The following LUZP2 variants were observed in gnomAD, a reference collection of about 807,000 sequenced individuals.
LUZP2 encodes the protein leucine zipper protein 2.
In LUZP2, 52 loss-of-function variants were observed where a neutral mutation model predicts 51.6. That is an observed-to-expected ratio of 1.01 (90% confidence interval 0.81 to 1.27). The LOEUF (loss-of-function observed/expected upper bound fraction) is 1.27, where lower values mean the gene tolerates loss of function less well. Ranked by LOEUF, LUZP2 falls within the 50% of genes most tolerant of loss-of-function variation. LUZP2 has a pLI of 0.00. For missense variants in LUZP2, 436 were observed against 395.4 expected (o/e 1.10, Z -0.87); for synonymous variants, 154 against 137.3 (o/e 1.12, Z -0.85).
chr11:24,804,458 G>A (rs2134122863), intron 5 of LUZP2, among the ~76,000 whole-genome samples: 1 of 152,216 alleles, frequency 6.6e-6, no homozygotes, highest in South Asian at 2.1e-4. Context: ...TGACACAGGA[G>A]CCTTCATAAA....
At chr11:25,019,261 A>G (rs571139780) in intron 9 of LUZP2, among the ~76,000 whole-genome samples, 24 of 152,310 alleles carry the variant, frequency 1.6e-4, no homozygotes, top group African/African-American at 5.5e-4. Context: ...TATCACATGA[A>G]TCTATCATAT....
chr11:24,905,102 C>G (rs931019391), intron 5 of LUZP2, among the ~76,000 whole-genome samples: 4 of 152,056 alleles, frequency 2.6e-5, no homozygotes, highest in African/African-American at 9.7e-5. Context: ...TACACTGGAG[C>G]ACCTTTATAT....
chr11:24,545,772 C>T (rs1851520412), intron 1 of LUZP2, among the ~76,000 whole-genome samples: 1 of 151,616 alleles, frequency 6.6e-6, no homozygotes, highest in Non-Finnish European at 1.5e-5. Context: ...TATTAGGGCT[C>T]TTGTTTGGTT....
At chr11:24,694,550 A>T (rs1857183091) in intron 1 of LUZP2, among the ~76,000 whole-genome samples, 1 of 152,094 alleles carries the variant, frequency 6.6e-6, no homozygotes, top group African/African-American at 2.4e-5. Context: ...ATACCATTTG[A>T]CCCAGCAATC....
At chr11:24,500,225 C>A (rs1248168466) in intron 1 of LUZP2, among the ~76,000 whole-genome samples, 2 of 152,030 alleles carry the variant, frequency 1.3e-5, no homozygotes, top group Non-Finnish European at 2.9e-5. Context: ...TACTGGTAAA[C>A]CCCATAGAGT....
At chr11:24,710,967 A>C in intron 1 of LUZP2, among the ~76,000 whole-genome samples, 2 of 126,202 alleles carry the variant, frequency 1.6e-5, no homozygotes, top group Admixed American at 8.5e-5. Context: ...GAGGGAGGGG[A>C]GGGGAGGAAA....
At chr11:24,541,236 A>T (rs1300432725) in intron 1 of LUZP2, among the ~76,000 whole-genome samples, 1 of 143,008 alleles carries the variant, frequency 7.0e-6, no homozygotes, top group East Asian at 2.3e-4. Flanking sequence ...CTGGGGGACA[A>T]GAGAGAGACT....
At chr11:24,591,799 G>A (rs1853271323) in intron 1 of LUZP2, among the ~76,000 whole-genome samples, 1 of 152,172 alleles carries the variant, frequency 6.6e-6, no homozygotes, top group Non-Finnish European at 1.5e-5. Flanking sequence ...GCTGTGCTCT[G>A]AGAAAGAAAG....
chr11:25,025,330 A>G (rs572882508), intron 9 of LUZP2, among the ~76,000 whole-genome samples: 2 of 152,322 alleles, frequency 1.3e-5, no homozygotes, highest in South Asian at 4.1e-4. Context: ...TCTGCACAGC[A>G]AAAGAAACTA....
chr11:24,820,569 A>G (rs1427582671), intron 5 of LUZP2, among the ~76,000 whole-genome samples: 1 of 152,138 alleles, frequency 6.6e-6, no homozygotes, highest in Non-Finnish European at 1.5e-5. Context: ...GAAACTAGTG[A>G]TGAGATCTGA....
chr11:24,927,022 A>G (rs950147160), intron 7 of LUZP2, among the ~76,000 whole-genome samples: 1 of 150,834 alleles, frequency 6.6e-6, no homozygotes, highest in Non-Finnish European at 1.5e-5. Context: ...ATTTTCTTAT[A>G]TGTTTGTTGG....
intron 9 of LUZP2, among the ~76,000 whole-genome samples, chr11:25,041,105 A>AT (rs1281691103): frequency 6.6e-6 from 1 of 151,228 alleles, no homozygotes; most frequent in African/African-American, 2.4e-5. Context: ...TATTTTGTTC[A>AT]TTTTTTTCAT....
chr11:24,562,699 C>CA (rs10692762), intron 1 of LUZP2, among the ~76,000 whole-genome samples: 223 of 138,780 alleles, frequency 1.6e-3, no homozygotes, highest in African/African-American at 3.3e-3. Flanking sequence ...TGAAAAAATA[C>CA]AAAAAAAAAA....
chr11:24,918,323 T>C (rs1853869302), intron 7 of LUZP2, among the ~76,000 whole-genome samples: 1 of 152,050 alleles, frequency 6.6e-6, no homozygotes, highest in Non-Finnish European at 1.5e-5. Flanking sequence ...TGAATACCCT[T>C]TATTTCTTTC....
At position 24,895,147 on chromosome 11, in the gene LUZP2, A is replaced by G. The variant is rs768491231; in HGVS notation, c.397-10844A>G. 7.8e-4 allele frequency among the ~76,000 whole-genome samples: 119 copies of G among 152,158 alleles called. 1 individual carries two copies. The highest frequency in any genetic ancestry group is 2.1e-4 in the Non-Finnish European group (14 of 68,046). On this transcript the variant is annotated intron_variant, in intron 5 of 11. Coordinates refer to ENST00000336930, the MANE Select transcript of LUZP2 (RefSeq NM_001009909.4). ...TTCCGTGGGGTGGCATAAGATTCTC[A>G]CCATATTTTAGGAAGTTTAGGAAGT...
intron 8 of LUZP2, among the ~76,000 whole-genome samples, chr11:24,979,796 G>A (rs1055031597): frequency 5.3e-5 from 8 of 151,678 alleles, no homozygotes; most frequent in African/African-American, 1.7e-4. Flanking sequence ...CCTCACACCC[G>A]GGAAAGCATA....
chr11:24,537,706 G>T, intron 1 of LUZP2, among the ~76,000 whole-genome samples: 1 of 151,944 alleles, frequency 6.6e-6, no homozygotes, highest in African/African-American at 2.4e-5. Flanking sequence ...TCTAGTCTGT[G>T]AAACTAAAGT....
intron 1 of LUZP2, among the ~76,000 whole-genome samples, chr11:24,602,076 A>ATATGTGTATATATGTATATGTG (rs1853690091): frequency 8.0e-6 from 1 of 125,204 alleles, no homozygotes; most frequent in African/African-American, 3.4e-5. Context: ...ATATATGCGT[A>ATATGTGTATATATGTATATGTG]TATATGTGTA....
At chr11:24,885,479 A>C (rs1852640499) in intron 5 of LUZP2, among the ~76,000 whole-genome samples, 1 of 152,138 alleles carries the variant, frequency 6.6e-6, no homozygotes, top group African/African-American at 2.4e-5. Flanking sequence ...ATAGGAAATC[A>C]TACCCAAGTC....
Sources: gnomAD v4.1 joint callset for allele counts (sites outside exome capture counted in the v4.1 genomes callset) on GRCh38, gnomAD v4.1.1 for gene constraint, MANE v1.5 for transcripts, NCBI Gene and HGNC (gene_info 2026-07-23, HGNC 2026-07-21) for gene names.